Variants in SLC5A10 observed in about 807,000 individuals in gnomAD.
SLC5A10 encodes sodium/mannose cotransporter SLC5A10.
A neutral mutation model predicts 68.9 loss-of-function variants in SLC5A10; 55 were observed. The ratio of observed to expected loss-of-function variants is 0.80; its 90% CI spans 0.64 to 1.00. The LOEUF (loss-of-function observed/expected upper bound fraction) is 1.00. SLC5A10 is among the 50% of genes least tolerant of loss of function. The probability of loss-of-function intolerance (pLI) is 0.00; values close to 1 mark genes in which losing one functional copy is unlikely to be tolerated. For missense variants in SLC5A10, 732 were observed against 819.3 expected, an observed-to-expected ratio of 0.89 and a Z score of 1.30; for synonymous variants, 344 against 344.8, an observed-to-expected ratio of 1.00 and a Z score of 0.02.
At position 19,003,903 on chromosome 17, in the gene SLC5A10, A is replaced by T. The variant is rs749914318; in HGVS notation, c.983-9507A>T. 8.1e-5 allele frequency: 131 copies of T among 1,612,850 alleles called. No individual in the cohort carries two copies. The highest frequency in any genetic ancestry group is 1.1e-4 in the Non-Finnish European group (125 of 1,179,930). On this transcript the variant is annotated intron_variant, in intron 9 of 14. Transcript: ENST00000395645. This position sits in a 1 kb window ranked among gnomAD's most constrained non-coding sequence, Gnocchi z 4.5. ...ATGTTCTCCCGCTTGAGCACCTCGT[A>T]GAAGGCGTCCCGGCCGCGGGCCACC...
chr17:19,019,617 T>C, intron 12 of SLC5A10, 26 bp downstream of exon 12: 1 of 1,607,290 alleles, frequency 6.2e-7, no homozygotes. Flanking sequence ...CTGCTCTCCC[T>C]GGGGACGTGC....
At chr17:18,977,862 G>A (rs1197063594) in intron 9 of SLC5A10, 19 of 1,610,966 alleles carry the variant, frequency 1.2e-5, no homozygotes, top group South Asian at 2.2e-5. Context: ...CCAGGGCCAC[G>A]GCCGGAGCTG....
chr17:19,001,009 C>G (rs1413832206), intron 9 of SLC5A10, among the ~76,000 whole-genome samples: 1 of 152,162 alleles, frequency 6.6e-6, no homozygotes, highest in Non-Finnish European at 1.5e-5. Context: ...AAGGGATAGC[C>G]TAGAGTTTGA....
intron 9 of SLC5A10, chr17:18,977,649 CCCGACT>C (rs2043013069): frequency 2.5e-6 from 4 of 1,609,978 alleles, no homozygotes; most frequent in Middle Eastern, 1.6e-4. Flanking sequence ...TCTTCTCTTC[CCCGACT>C]CTGGGCCCAT....
intron 9 of SLC5A10, among the ~76,000 whole-genome samples, chr17:19,009,361 GT>G (rs34472502): frequency 0.063 from 9,603 of 152,142 alleles, 1,002 homozygotes; most frequent in African/African-American, 0.22. Flanking sequence ...TAATTTTAAT[GT>G]TTTTGGTAGA....
At chr17:18,997,099 C>A (rs1489224855) in intron 9 of SLC5A10, among the ~76,000 whole-genome samples, 1 of 152,250 alleles carries the variant, frequency 6.6e-6, no homozygotes, top group African/African-American at 2.4e-5. Flanking sequence ...CTCATTAAGG[C>A]CAATTAAAGG....
intron 1 of SLC5A10, among the ~76,000 whole-genome samples, chr17:18,957,564 G>A (rs1177402395): frequency 6.6e-6 from 1 of 152,148 alleles, no homozygotes; most frequent in Non-Finnish European, 1.5e-5. Context: ...CACCTCCCGG[G>A]TTCAAGCAAT....
At chr17:18,979,241 A>G (rs2043067586) in intron 9 of SLC5A10, 1 of 471,760 alleles carries the variant, frequency 2.1e-6, no homozygotes. Context: ...GGTGGTGCCC[A>G]CAGAGCTGGC....
rs780663094 is a variant in SLC5A10, at chr17:18,952,359, G to T, written c.111+43G>T. 8.8e-6 allele frequency: 14 copies of T among 1,582,308 alleles called. No homozygotes were observed. In the East Asian group the frequency reaches 1.9e-4, roughly 21 times the overall value. On this transcript the variant is annotated intron_variant, in intron 1 of 14. Coordinates refer to ENST00000395645, the MANE Select transcript of SLC5A10 (RefSeq NM_001042450.4). Reference sequence around the variant, plus strand: ...GGTGTTGGCCAAGTGGGCTCTCAGGGTTGGTGCTTGGGGTGGGAACCGGGG... The same window carrying T: ...GGTGTTGGCCAAGTGGGCTCTCAGGTTTGGTGCTTGGGGTGGGAACCGGGG...
rs1176993017 is a variant in SLC5A10, at chr17:19,021,869, G to A, written c.*1438G>A. ...TCCAAGGCCGTCCACTGAGCCCCGT[G>A]TGACTCTGACAGAGCTGGGGGTGTC... On this transcript the variant is annotated 3_prime_UTR_variant, in exon 15 of 15. Transcript: ENST00000395645. The surrounding 1 kb of genome is among the most constrained non-coding windows in gnomAD (Gnocchi z 4.1). 3.8e-6 allele frequency: 5 copies of A among 1,331,250 alleles called. No individual in the cohort carries two copies. The highest frequency in any genetic ancestry group is 4.9e-6 in the Non-Finnish European group (5 of 1,019,918). The allele number at this position is 1,331,250 out of a possible 1,614,324, so 82.5% of individuals were successfully genotyped here. A position where few individuals can be genotyped will look rare whatever the true frequency, so the allele number is the denominator to read the frequency against.
intron 9 of SLC5A10, chr17:18,979,676 G>T: frequency 6.2e-7 from 1 of 1,613,098 alleles, no homozygotes; most frequent in Non-Finnish European, 8.5e-7. Flanking sequence ...CTGAGATTCT[G>T]TTTTGGGAAC....
At position 19,020,105 on chromosome 17, in the gene SLC5A10, C is replaced by A. The variant is rs751263380; in HGVS notation, c.1627-50C>A. The A allele has an allele frequency of 8.2e-6, 9 of 1,092,690 alleles. No homozygotes were observed. In the East Asian group the frequency reaches 1.7e-4, roughly 21 times the overall value. The allele number at this position is 1,092,690 out of a possible 1,614,324, so 67.7% of individuals were successfully genotyped here. A position where few individuals can be genotyped will look rare whatever the true frequency, so the allele number is the denominator to read the frequency against. Reference sequence around the variant, plus strand: ...ACCTTTGATCCTGTCTGGGTCACCCCCACCCTGCCATCCCCCACCCCCAAC... The same window carrying A: ...ACCTTTGATCCTGTCTGGGTCACCCACACCCTGCCATCCCCCACCCCCAAC... On this transcript the variant is annotated intron_variant, in intron 13 of 14. Coordinates refer to ENST00000395645, the MANE Select transcript of SLC5A10 (RefSeq NM_001042450.4).
In SLC5A10 at chr17:19,018,739, C is replaced by T. The variant is rs2044192476; in HGVS notation, c.1242-684C>T. The T allele has an allele frequency of 2.6e-5, 4 of 152,306 alleles. No individual in the cohort carries two copies. Among genetic ancestry groups the T allele is most frequent in the African/African-American group, 9.7e-5 (4 of 41,430 alleles). 9.4% of individuals were successfully genotyped at this position (152,306 alleles called of 1,614,324 possible). On this transcript the variant is annotated intron_variant, in intron 11 of 14. Coordinates refer to ENST00000395645, the MANE Select transcript of SLC5A10 (RefSeq NM_001042450.4). The surrounding 1 kb of genome is among the most constrained non-coding windows in gnomAD (Gnocchi z 4.2). ...AGCTGGGGAGTATGGGCTCTAACCCCAACCCACACCTCTGGCTCCAAACTT... is the reference window on the plus strand; with the variant it reads ...AGCTGGGGAGTATGGGCTCTAACCCTAACCCACACCTCTGGCTCCAAACTT...
intron 9 of SLC5A10, among the ~76,000 whole-genome samples, chr17:19,008,170 G>A (rs2043938211): frequency 6.6e-6 from 1 of 152,174 alleles, no homozygotes; most frequent in Non-Finnish European, 1.5e-5. Context: ...TCTTTCACCA[G>A]CCAGGCTCAT....
rs575074296 is a variant in SLC5A10 at position 19,004,072 on chromosome 17, G to A, written c.983-9338G>A. Reference sequence around the variant, plus strand: ...CGCCTGCCCGGGCACTGCTGCCGGGGGTGGGTGGGCAAGGTCCAGCTCCTA... The same window carrying A: ...CGCCTGCCCGGGCACTGCTGCCGGGAGTGGGTGGGCAAGGTCCAGCTCCTA... On this transcript the variant is annotated intron_variant, in intron 9 of 14. Coordinates refer to ENST00000395645, the MANE Select transcript of SLC5A10 (RefSeq NM_001042450.4). The surrounding 1 kb of genome is among the most constrained non-coding windows in gnomAD (Gnocchi z 5.4). 5.9e-5 allele frequency: 92 copies of A among 1,554,112 alleles called. No individual in the cohort carries two copies. The African/African-American group carries it at 1.2e-3, about 20-fold the overall frequency.
chr17:18,971,078 A>G lies in SLC5A10; in HGVS notation c.706A>G (p.Thr236Ala). The G allele has an allele frequency of 6.2e-7, 1 of 1,614,046 alleles. No individual in the cohort carries two copies. Among genetic ancestry groups the G allele is most frequent in the Non-Finnish European group, 8.5e-7 (1 of 1,180,024 alleles). The change falls in exon 8 of 15, where the codon ACC (threonine) becomes GCC (alanine). Residue 236 changes from threonine to alanine, a missense_variant. By Grantham distance (58) the Thr-to-Ala change is moderately conservative. Transcript: ENST00000395645. The surrounding 1 kb of genome is among the most constrained non-coding windows in gnomAD (Gnocchi z 5.5). ...AAYAQAIPSR[T>A]IANTTCHLPR... ...CTACGCCCAGGCCATTCCCTCCAGG[A>G]CCATTGCCAACACCACCTGCCACCT...
chr17:18,970,843 A>G (rs2042823379), intron 7 of SLC5A10, 170 bp from the exon 8 acceptor site: 2 of 616,224 alleles, frequency 3.2e-6, no homozygotes, highest in African/African-American at 1.8e-5. Flanking sequence ...CCTTAAAAAA[A>G]AAAACAACCC....
At chr17:18,969,679 G>C (rs1430573842) in intron 7 of SLC5A10, 3 of 439,170 alleles carry the variant, frequency 6.8e-6, no homozygotes, top group Non-Finnish European at 1.2e-5. Flanking sequence ...AGCTGACTCA[G>C]GAACTCAGGG....
chr17:18,955,637 G>A (rs1023039212), intron 1 of SLC5A10, among the ~76,000 whole-genome samples: 9 of 152,284 alleles, frequency 5.9e-5, no homozygotes, highest in Non-Finnish European at 1.0e-4. Flanking sequence ...GCAGTGCACA[G>A]CGTACACATC....
Sources: gnomAD v4.1 joint callset for allele counts (sites outside exome capture counted in the v4.1 genomes callset) on GRCh38, gnomAD v4.1.1 for gene constraint, Gnocchi (gnomAD v3.1) non-coding constraint, MANE v1.5 for transcripts, NCBI Gene and HGNC (gene_info 2026-07-23, HGNC 2026-07-21) for gene names.